CRTAC1: variants seen among roughly 807,000 people sequenced by gnomAD.
CRTAC1 encodes the protein cartilage acidic protein 1.
A neutral mutation model predicts 67.8 loss-of-function variants in CRTAC1; 37 were observed. The observed-to-expected ratio is 0.55, with a 90% CI of 0.42 to 0.72. The LOEUF (loss-of-function observed/expected upper bound fraction) is 0.72, where lower values mean the gene tolerates loss of function less well. Ranked by LOEUF, CRTAC1 falls within the 30% of genes least tolerant of loss-of-function variation. The pLI, the probability that CRTAC1 is intolerant of heterozygous loss-of-function variation, is 0.00. For synonymous variants in CRTAC1, 348 were observed against 371.0 expected, an observed-to-expected ratio of 0.94 and a Z score of 0.71; for missense variants, 780 against 931.6, an observed-to-expected ratio of 0.84 and a Z score of 2.12.
At chr10:97,869,170 G>T (rs2050062654) in intron 14 of CRTAC1, 1 of 152,270 alleles carries the variant, frequency 6.6e-6, no homozygotes, top group East Asian at 1.9e-4. Flanking sequence ...GAAGGACTTG[G>T]AGCCATGCCT....
chr10:97,900,384 A>G (rs2050515528), intron 8 of CRTAC1, among the ~76,000 whole-genome samples: 1 of 152,346 alleles, frequency 6.6e-6, no homozygotes, highest in South Asian at 2.1e-4. Flanking sequence ...TAAAATATTT[A>G]TGGTCAAGTT....
chr10:97,970,727 C>G (rs2051695100), intron 2 of CRTAC1, among the ~76,000 whole-genome samples: 1 of 152,204 alleles, frequency 6.6e-6, no homozygotes, highest in Non-Finnish European at 1.5e-5. Context: ...ACATCTTTCT[C>G]CCTCTCTAGG....
intron 11 of CRTAC1, among the ~76,000 whole-genome samples, chr10:97,889,455 G>GC (rs1564879435): frequency 7.1e-6 from 1 of 140,772 alleles, no homozygotes; most frequent in Non-Finnish European, 1.6e-5. Context: ...GAACTTGGTG[G>GC]GGGGGGGTCC....
chr10:97,985,684 A>G (rs2051969173), intron 2 of CRTAC1, among the ~76,000 whole-genome samples: 1 of 152,232 alleles, frequency 6.6e-6, no homozygotes, highest in South Asian at 2.1e-4. Flanking sequence ...TGTGTAGTCC[A>G]ATTGTGCTTG....
At chr10:98,006,948 C>A (rs1590286062) in intron 2 of CRTAC1, among the ~76,000 whole-genome samples, 1 of 152,096 alleles carries the variant, frequency 6.6e-6, no homozygotes, top group East Asian at 1.9e-4. Context: ...GATAATAAAG[C>A]AGAATTAAAT....
At chr10:97,952,983 G>A (rs2051383036) in intron 2 of CRTAC1, among the ~76,000 whole-genome samples, 1 of 152,194 alleles carries the variant, frequency 6.6e-6, no homozygotes, top group South Asian at 2.1e-4. Context: ...TTCTGGAGCT[G>A]AGTAGATTCC....
At position 97,909,225 on chromosome 10, in the gene CRTAC1, A is replaced by G. The variant is rs548244941; in HGVS notation, c.716-1078T>C. On this transcript the variant is annotated intron_variant, in intron 5 of 14. Coordinates refer to ENST00000370597, the MANE Select transcript of CRTAC1 (RefSeq NM_018058.7). The stretch of plus-strand genomic sequence containing the variant: ...ACCACCCCCACCCAGTGGGTTTCAA[A>G]TGAAGACTCTCTGCTTGCCAGGCCC... Among the ~76,000 whole-genome samples the G allele has an allele frequency of 2.6e-5, 4 of 152,202 alleles. No individual in the cohort carries two copies. The East Asian group carries it at 5.8e-4, about 22-fold the overall frequency.
At chr10:97,879,587 T>C in intron 14 of CRTAC1, 1 of 1,451,982 alleles carries the variant, frequency 6.9e-7, no homozygotes, top group Admixed American at 2.5e-5. Flanking sequence ...CAGCAGAACC[T>C]ACTGGGCGTG....
At chr10:98,009,163 T>C in intron 2 of CRTAC1, among the ~76,000 whole-genome samples, 1 of 152,232 alleles carries the variant, frequency 6.6e-6, no homozygotes, top group East Asian at 1.9e-4. Flanking sequence ...TTTAGTTTTT[T>C]CCTTCTAAAA....
rs576681356 is a variant in CRTAC1 at position 97,895,380 on chromosome 10, G to A, written c.1351C>T (p.Arg451Cys). Residue 451 changes from arginine (R) to cysteine (C), a missense_variant, in exon 11 of 15, where the codon CGC becomes TGC. Transcript: ENST00000370597. The surrounding 1 kb of genome is among the most constrained non-coding windows in gnomAD (Gnocchi z 4.2). Reference sequence around the variant, plus strand: ...CTGGCAAAGGCCCCAAACCGGGTGCGTGGCACCACTCGCAGCCAGTTGTTG... The same window carrying A: ...CTGGCAAAGGCCCCAAACCGGGTGCATGGCACCACTCGCAGCCAGTTGTTG... ...FNNNWLRVVP[R>C]TRFGAFARGA... 11 of 1,611,762 alleles carry A rather than the reference G, an allele frequency of 6.8e-6. No individual in the cohort carries two copies. Among genetic ancestry groups the A allele is most frequent in the South Asian group, 1.1e-5 (1 of 90,742 alleles).
intron 2 of CRTAC1, among the ~76,000 whole-genome samples, chr10:97,986,885 A>G (rs1026580101): frequency 6.6e-6 from 1 of 152,180 alleles, no homozygotes; most frequent in Admixed American, 6.5e-5. Context: ...TTTCTCTTTT[A>G]TAAATCAGAA....
At chr10:98,021,955 A>C (rs1843130883) in intron 1 of CRTAC1, among the ~76,000 whole-genome samples, 1 of 152,230 alleles carries the variant, frequency 6.6e-6, no homozygotes. Flanking sequence ...GAAGATGCCT[A>C]TGGGCCACGT....
chr10:98,009,247 C>G (rs1447725417), intron 2 of CRTAC1, among the ~76,000 whole-genome samples: 1 of 152,188 alleles, frequency 6.6e-6, no homozygotes, highest in Admixed American at 6.5e-5. Context: ...AAATTCAGTT[C>G]CTTGGTCACA....
intron 14 of CRTAC1, 34 bp downstream of exon 14, chr10:97,880,215 T>C: frequency 6.2e-7 from 1 of 1,607,948 alleles, no homozygotes; most frequent in Non-Finnish European, 8.5e-7. Context: ...GCAACATCCT[T>C]TTGCTACTGG....
intron 2 of CRTAC1, among the ~76,000 whole-genome samples, chr10:97,938,258 A>G (rs2051120828): frequency 6.6e-6 from 1 of 152,210 alleles, no homozygotes; most frequent in African/African-American, 2.4e-5. Flanking sequence ...CAGCACTGTC[A>G]GCAGCTGGCT....
chr10:98,018,905 A>C, intron 1 of CRTAC1, among the ~76,000 whole-genome samples: 1 of 152,196 alleles, frequency 6.6e-6, no homozygotes, highest in East Asian at 1.9e-4. Flanking sequence ...AGAAGAGCTA[A>C]CAGGAGCTGC....
chr10:97,893,216 A>G (rs2050401787), intron 11 of CRTAC1, among the ~76,000 whole-genome samples: 1 of 152,240 alleles, frequency 6.6e-6, no homozygotes, highest in African/African-American at 2.4e-5. Flanking sequence ...AGCCACTCTG[A>G]CAGAATCACT....
intron 3 of CRTAC1, among the ~76,000 whole-genome samples, chr10:97,934,428 G>T (rs2136611373): frequency 6.6e-6 from 1 of 152,322 alleles, no homozygotes; most frequent in African/African-American, 2.4e-5. Flanking sequence ...GTGGCTCATT[G>T]TTTCTTGGCT....
intron 1 of CRTAC1, among the ~76,000 whole-genome samples, chr10:98,027,164 C>T (rs1843251685): frequency 6.9e-6 from 1 of 145,868 alleles, no homozygotes; most frequent in Non-Finnish European, 1.5e-5. Context: ...GAGACTCCGT[C>T]TCAAAAAAAA....
Sources: allele counts gnomAD v4.1 joint callset (sites outside exome capture counted in the v4.1 genomes callset), GRCh38; gene constraint gnomAD v4.1.1; non-coding constraint Gnocchi (gnomAD v3.1); transcripts MANE v1.5; gene names NCBI Gene and HGNC (gene_info 2026-07-23, HGNC 2026-07-21).